Variants in FERMT2 observed in about 807,000 individuals in gnomAD.
The protein encoded by FERMT2 is fermitin family homolog 2.
FERMT2 carries 15 observed loss-of-function variants against 82.7 expected under a neutral mutation model. That is an observed-to-expected ratio of 0.18 (90% CI 0.12 to 0.28). The LOEUF (loss-of-function observed/expected upper bound fraction) is 0.28, where lower values mean the gene tolerates loss of function less well. FERMT2 is among the 10% of genes least tolerant of loss of function. FERMT2 has a pLI of 1.00. For missense variants in FERMT2, 645 were observed against 809.4 expected (o/e 0.80, Z 2.46); for synonymous variants, 274 against 271.5 (o/e 1.01, Z -0.09).
chr14:52,879,161 A>G (rs1033377547), intron 6 of FERMT2, among the ~76,000 whole-genome samples: 2 of 152,252 alleles, frequency 1.3e-5, no homozygotes, highest in Admixed American at 1.3e-4. Flanking sequence ...ACCCAGATAA[A>G]GTGGCAAGTC....
rs1566716526 is a variant in FERMT2, at chr14:52,864,522, G to A, written c.1481C>T (p.Ser494Phe). ...GTTTAAATGCTGCATCTTCAGAAAGGAAAGAATATTCTGAACTTCTAAGTT... is the reference window on the plus strand; with the variant it reads ...GTTTAAATGCTGCATCTTCAGAAAGAAAAGAATATTCTGAACTTCTAAGTT... The part of the protein sequence containing the change: ...SYNLEVQNIL[S>F]FLKMQHLNPD... Residue 494 changes from serine (S) to phenylalanine (F), a missense_variant, in exon 12 of 15, where the codon TCC becomes TTC. Coordinates refer to ENST00000341590, the MANE Select transcript of FERMT2 (RefSeq NM_006832.3). The A allele has an allele frequency of 1.2e-6, 2 of 1,613,726 alleles. No homozygotes were observed. The highest frequency in any genetic ancestry group is 1.7e-6 in the Non-Finnish European group (2 of 1,179,632).
At chr14:52,923,205 T>TA in intron 2 of FERMT2, among the ~76,000 whole-genome samples, 1 of 150,652 alleles carries the variant, frequency 6.6e-6, no homozygotes, top group East Asian at 2.0e-4. Context: ...TGGTGGGGGT[T>TA]GGGGGGGGAA....
Position 52,872,583 on chromosome 14 carries a change from C to A in FERMT2, c.1273+216G>T, listed in dbSNP as rs142806901. On this transcript the variant is annotated intron_variant, in intron 10 of 14. Transcript: ENST00000341590. ...TCATACATTTCAGGTCAAGTCTGCA[C>A]AAAGAGATTACAACAAAATATTTAT... 2.7e-3 allele frequency among the ~76,000 whole-genome samples: 404 copies of A among 152,126 alleles called. 3 individuals are homozygous for A. Among genetic ancestry groups the A allele is most frequent in the Middle Eastern group, 6.8e-3 (2 of 294 alleles).
At chr14:52,916,149 GC>G (rs1888600888) in intron 3 of FERMT2, among the ~76,000 whole-genome samples, 1 of 152,070 alleles carries the variant, frequency 6.6e-6, no homozygotes, top group South Asian at 2.1e-4. Context: ...TTCGAGACCA[GC>G]CTGGCCAACA....
At chr14:52,927,052 A>G (rs1457959298) in intron 2 of FERMT2, among the ~76,000 whole-genome samples, 1 of 152,192 alleles carries the variant, frequency 6.6e-6, no homozygotes, top group East Asian at 1.9e-4. Flanking sequence ...GCAAATTGCT[A>G]CAACATTGAC....
In FERMT2 at chr14:52,872,828, C is replaced by T; in HGVS notation, c.1244G>A (p.Gly415Asp). Residue 415 changes from glycine (G) to aspartate (D), a missense_variant, in exon 10 of 15, where the codon GGC (glycine) becomes GAC (aspartate). Gly to Asp is a moderately conservative substitution (Grantham distance 94). Coordinates refer to ENST00000341590, the MANE Select transcript of FERMT2 (RefSeq NM_006832.3). ...GAGGTTCATCTGATGAGCTGGTGTG[C>T]CACTGGATTCTTCTTTGCTCTTATA... ...SCYKSKEESSGTPAHQMNLRG... is the reference protein window; with the variant it reads ...SCYKSKEESSDTPAHQMNLRG... 1 of 1,613,856 alleles carries T rather than the reference C, an allele frequency of 6.2e-7. No individual in the cohort carries two copies.
chr14:52,870,854 C>T (rs1378676728), intron 10 of FERMT2, among the ~76,000 whole-genome samples: 1 of 152,318 alleles, frequency 6.6e-6, no homozygotes, highest in Admixed American at 6.5e-5. Context: ...GGAAAAGCAC[C>T]TCTGTGTTTT....
Position 52,860,358 on chromosome 14 carries a change from G to A in FERMT2, c.1710C>T (p.Ile570=). The A allele has an allele frequency of 6.2e-7, 1 of 1,613,980 alleles. No homozygotes were observed. Among genetic ancestry groups the A allele is most frequent in the Non-Finnish European group, 8.5e-7 (1 of 1,179,920 alleles). ...CCACTGACCTTGCAATGAAGTGAGT[G>A]ATGCCAAATTCAGGTAGTGACTGCC... ...QAWQSLPEFG[I]THFIARFQGG... Residue 570 remains isoleucine (I), a synonymous_variant, in exon 13 of 15, where the codon ATC becomes ATT. Coordinates refer to ENST00000341590, the MANE Select transcript of FERMT2 (RefSeq NM_006832.3).
chr14:52,887,225 C>A (rs543418292), intron 4 of FERMT2, among the ~76,000 whole-genome samples: 153 of 151,808 alleles, frequency 1.0e-3, no homozygotes, highest in Non-Finnish European at 1.5e-3. Flanking sequence ...AACCTCCCCA[C>A]CTCCCGGGTT....
intron 3 of FERMT2, among the ~76,000 whole-genome samples, chr14:52,916,599 CACA>C (rs1888628324): frequency 6.6e-6 from 1 of 152,056 alleles, no homozygotes; most frequent in Non-Finnish European, 1.5e-5. Flanking sequence ...TGTACAATAC[CACA>C]ACAGTAGATA....
At chr14:52,886,608 C>T (rs980409078) in intron 4 of FERMT2, among the ~76,000 whole-genome samples, 1 of 152,176 alleles carries the variant, frequency 6.6e-6, no homozygotes, top group African/African-American at 2.4e-5. Flanking sequence ...GGAGACTTCT[C>T]TGCTTTGACA....
In FERMT2 at chr14:52,860,556, C is replaced by G. The variant is rs1594922028; in HGVS notation, c.1603-91G>C. 7.3e-6 allele frequency: 8 copies of G among 1,089,508 alleles called. No homozygotes were observed. In the East Asian group the frequency reaches 2.0e-4, roughly 27 times the overall value. The allele number at this position is 1,089,508 out of a possible 1,614,324, so 67.5% of individuals were successfully genotyped here. A position where few individuals can be genotyped will look rare whatever the true frequency, so the allele number is the denominator to read the frequency against. ...AGATCAAAAGATTGAATTACGCACCCCGTACCCCAAAATCATATTGTAAGA... is the reference window on the plus strand; with the variant it reads ...AGATCAAAAGATTGAATTACGCACCGCGTACCCCAAAATCATATTGTAAGA... On this transcript the variant is annotated intron_variant, in intron 12 of 14. Coordinates refer to ENST00000341590, the MANE Select transcript of FERMT2 (RefSeq NM_006832.3).
chr14:52,872,724 C>T, intron 10 of FERMT2, 75 bp downstream of exon 10: 8 of 1,507,802 alleles, frequency 5.3e-6, no homozygotes, highest in Non-Finnish European at 7.2e-6. Context: ...CTTGTTTATC[C>T]CAGCAAGTGG....
chr14:52,864,697 G>A (rs1885165616), intron 11 of FERMT2, 50 bp downstream of exon 11: 1 of 1,565,462 alleles, frequency 6.4e-7, no homozygotes, highest in African/African-American at 1.4e-5. Context: ...AAGGATGACT[G>A]GTCAACTCAT....
At chr14:52,925,857 T>G (rs984313939) in intron 2 of FERMT2, among the ~76,000 whole-genome samples, 1 of 152,154 alleles carries the variant, frequency 6.6e-6, no homozygotes, top group Non-Finnish European at 1.5e-5. Context: ...TTGGCCAGGC[T>G]GGTCTTGAAT....
At chr14:52,860,955 G>A (rs2140049822) in intron 12 of FERMT2, 4 of 1,262,144 alleles carry the variant, frequency 3.2e-6, no homozygotes, top group East Asian at 2.6e-5. Context: ...ATGAGGGAAG[G>A]TTGTGGCTAT....
At chr14:52,890,925 C>T (rs1886906097) in intron 4 of FERMT2, among the ~76,000 whole-genome samples, 1 of 152,132 alleles carries the variant, frequency 6.6e-6, no homozygotes, top group Admixed American at 6.6e-5. Flanking sequence ...TCTTTTACCT[C>T]TTCCTCAACC....
At chr14:52,884,979 G>A (rs1030205573) in intron 4 of FERMT2, among the ~76,000 whole-genome samples, 1 of 151,658 alleles carries the variant, frequency 6.6e-6, no homozygotes, top group African/African-American at 2.4e-5. Context: ...TCCAGCCTGG[G>A]TGACAGAATG....
At chr14:52,905,494 G>A (rs926344809) in intron 3 of FERMT2, among the ~76,000 whole-genome samples, 2 of 152,202 alleles carry the variant, frequency 1.3e-5, no homozygotes, top group Admixed American at 6.5e-5. Context: ...AATGGATAAA[G>A]GAGAGTGCTT....
Sources: allele counts gnomAD v4.1 joint callset (sites outside exome capture counted in the v4.1 genomes callset), GRCh38; gene constraint gnomAD v4.1.1; transcripts MANE v1.5; gene names NCBI Gene and HGNC (gene_info 2026-07-23, HGNC 2026-07-21).